EDRF1: variants seen among roughly 807,000 people sequenced by gnomAD.
The protein encoded by EDRF1 is erythroid differentiation-related factor 1.
Under a neutral mutation model 148.7 loss-of-function variants are expected in EDRF1, and 69 were observed. The observed-to-expected ratio is 0.46, with a 90% confidence interval of 0.38 to 0.57. The LOEUF (loss-of-function observed/expected upper bound fraction) is 0.57. EDRF1 is among the 20% of genes least tolerant of loss of function. The pLI is 0.00. For synonymous variants in EDRF1, 515 were observed against 532.8 expected, an observed-to-expected ratio of 0.97 and a Z score of 0.46; for missense variants, 1,118 against 1,478.7, an observed-to-expected ratio of 0.76 and a Z score of 4.00.
In EDRF1 at chr10:125,753,781, T is replaced by TCTGATGAAGTCTC; in HGVS notation, c.3483_3484insGATGAAGTCTCCT (p.Arg1162AspfsTer15). ...GATGAAACTCCTCAGTATATTTGAG[T>TCTGATGAAGTCTC]CTCGGTTGTCATTTCTTCTCCTTCA... On this transcript the variant is annotated frameshift_variant, in exon 24 of 25. Transcript: ENST00000356792. LOFTEE classifies it high-confidence loss of function. 6.2e-7 allele frequency: 1 copy of TCTGATGAAGTCTC among 1,613,914 alleles called. No homozygotes were observed. Among genetic ancestry groups the TCTGATGAAGTCTC allele is most frequent in the Non-Finnish European group, 8.5e-7 (1 of 1,180,004 alleles).
chr10:125,734,151 C>T lies in EDRF1; in HGVS notation c.1465C>T (p.Leu489=), dbSNP rs1319001272. 3.1e-6 allele frequency: 5 copies of T among 1,612,684 alleles called. No individual in the cohort carries two copies. Among genetic ancestry groups the T allele is most frequent in the Non-Finnish European group, 4.2e-6 (5 of 1,178,890 alleles). The change falls in exon 12 of 25, where the codon CTG becomes TTG. Residue 489 remains leucine, a synonymous_variant. Coordinates refer to ENST00000356792, the MANE Select transcript of EDRF1 (RefSeq NM_001202438.2). ...GTIRTLLLNC[L]KLLDKSRHPQ... ...TATTAGAACATTGCTTCTTAATTGTCTGAAATTACTGGACAAAAGTAGGCA... is the reference window on the plus strand; with the variant it reads ...TATTAGAACATTGCTTCTTAATTGTTTGAAATTACTGGACAAAAGTAGGCA...
chr10:125,752,211 C>A (rs1199951919), intron 22 of EDRF1: 1 of 153,712 alleles, frequency 6.5e-6, no homozygotes, highest in African/African-American at 2.4e-5. Flanking sequence ...TTAGTGGTTA[C>A]CTTCTGGGAG....
intron 21 of EDRF1, 158 bp downstream of exon 21, chr10:125,748,170 G>C (rs1849462584): frequency 1.2e-6 from 1 of 834,876 alleles, no homozygotes; most frequent in East Asian, 2.6e-5. Flanking sequence ...TTTTTGTGCT[G>C]TGCCACTTAA....
intron 4 of EDRF1, 63 bp downstream of exon 4, chr10:125,723,999 T>G (rs1848136091): frequency 1.9e-6 from 3 of 1,595,530 alleles, no homozygotes; most frequent in Non-Finnish European, 2.6e-6. Flanking sequence ...GAAATACGAT[T>G]TTGTTTCAGA....
rs140006727 is a variant in EDRF1 at position 125,729,914 on chromosome 10, C to T, written c.1017-374C>T. Among the ~76,000 whole-genome samples the T allele has an allele frequency of 7.6e-3, 1,164 of 152,314 alleles. 15 individuals carry two copies. The highest frequency in any genetic ancestry group is 8.9e-3 in the Non-Finnish European group (608 of 68,020). Reference sequence around the variant, plus strand: ...CTACTTGTGAGCATTTTTCTTAATGCTCCACGTGTATTTGTTGATATTAGC... The same window carrying T: ...CTACTTGTGAGCATTTTTCTTAATGTTCCACGTGTATTTGTTGATATTAGC... On this transcript the variant is annotated intron_variant, in intron 8 of 24. Coordinates refer to ENST00000356792, the MANE Select transcript of EDRF1 (RefSeq NM_001202438.2).
intron 19 of EDRF1, 125 bp downstream of exon 19, chr10:125,746,055 G>T: frequency 2.4e-6 from 2 of 834,848 alleles, no homozygotes; most frequent in Non-Finnish European, 3.9e-6. Flanking sequence ...TACAACACCA[G>T]ACAGATCGTG....
intron 18 of EDRF1, among the ~76,000 whole-genome samples, chr10:125,744,260 G>A (rs891716328): frequency 6.7e-6 from 1 of 149,888 alleles, no homozygotes; most frequent in African/African-American, 2.5e-5. Context: ...ACTCTGTCGC[G>A]CAGGCTAGAA....
intron 12 of EDRF1, 85 bp downstream of exon 12, chr10:125,734,268 C>G: frequency 9.7e-7 from 1 of 1,035,782 alleles, no homozygotes. Flanking sequence ...CCTCCTGATT[C>G]ATATTCCGTA....
intron 13 of EDRF1, among the ~76,000 whole-genome samples, chr10:125,736,759 G>C (rs973839516): frequency 6.6e-6 from 1 of 151,772 alleles, no homozygotes; most frequent in Non-Finnish European, 1.5e-5. Context: ...TGTATTTGCT[G>C]TTGCTTCTGC....
chr10:125,764,058 C>G lies in EDRF1; in HGVS notation c.*586C>G, dbSNP rs1316840125. The G allele has an allele frequency of 6.5e-6, 1 of 152,848 alleles. No individual in the cohort carries two copies. 9.5% of individuals were successfully genotyped at this position (152,848 alleles called of 1,614,324 possible). A position where few individuals can be genotyped will look rare whatever the true frequency, so the allele number is the denominator to read the frequency against. ...TATGACAGTTGATCAAGAACAGGTA[C>G]TACCCCTTTTTTTCATTTCAAACTT... On this transcript the variant is annotated 3_prime_UTR_variant, in exon 25 of 25. Transcript: ENST00000356792.
chr10:125,729,514 G>A lies in EDRF1; in HGVS notation c.1016+35G>A, dbSNP rs376638124. The A allele has an allele frequency of 1.9e-6, 3 of 1,613,298 alleles. No homozygotes were observed. In the African/African-American group the frequency reaches 4.0e-5, roughly 22 times the overall value. On this transcript the variant is annotated intron_variant, in intron 8 of 24. Transcript: ENST00000356792. ...CATCATACCCCTCCTCAAGCTTATG[G>A]TATTTAAATTCTTCCTTTAGAATCA...
intron 24 of EDRF1, among the ~76,000 whole-genome samples, chr10:125,758,426 TGTATGATA>T (rs1850022805): frequency 6.6e-6 from 1 of 152,230 alleles, no homozygotes; most frequent in South Asian, 2.1e-4. Context: ...GGACACCTTA[TGTATGATA>T]GTAGAGACCA....
intron 9 of EDRF1, chr10:125,731,874 A>C (rs1245393208): frequency 2.2e-6 from 1 of 454,288 alleles, no homozygotes; most frequent in Non-Finnish European, 4.4e-6. Context: ...GCTACCTCAC[A>C]TGCTGTTATT....
At position 125,725,754 on chromosome 10, in the gene EDRF1, G is replaced by A. The variant is rs768987633; in HGVS notation, c.708G>A (p.Gln236=). The change falls in exon 6 of 25, where the codon CAG becomes CAA. Residue 236 remains glutamine, a synonymous_variant. Transcript: ENST00000356792. ...AGCAGGAATCGTCCAGTTCAGATCA[G>A]ACAAATGATTCGGAAGGGGCTTCAT... ...AEQQESSSSD[Q]TNDSEGASWP... is the part of the protein sequence containing the mutation. 1.9e-6 allele frequency: 3 copies of A among 1,614,100 alleles called. No individual in the cohort carries two copies. Among genetic ancestry groups the A allele is most frequent in the Non-Finnish European group, 2.5e-6 (3 of 1,180,022 alleles).
chr10:125,734,229 A>G (rs1380109061), intron 12 of EDRF1, 46 bp downstream of exon 12: 2 of 1,410,620 alleles, frequency 1.4e-6, no homozygotes, highest in African/African-American at 1.4e-5. Flanking sequence ...CTAGCATTCT[A>G]ATAGGAGATT....
Position 125,763,334 on chromosome 10 carries a change from C to T in EDRF1, c.3579C>T (p.Thr1193=). 2 of 1,613,514 alleles carry T rather than the reference C, an allele frequency of 1.2e-6. No individual in the cohort carries two copies. Among genetic ancestry groups the T allele is most frequent in the Non-Finnish European group, 1.7e-6 (2 of 1,180,008 alleles). ...TCGAAGATGACACAATTCTCAAAAC[C>T]AACAAGCACATTTACTCCCAGCTTT... is the stretch of plus-strand genomic sequence containing the variant. ...NNIEDDTILK[T]NKHIYSQLLR... Residue 1193 remains threonine (T), a synonymous_variant, in exon 25 of 25, where the codon ACC becomes ACT. Transcript: ENST00000356792. The surrounding 1 kb of genome is among the most constrained non-coding windows in gnomAD (Gnocchi z 4.3).
Position 125,729,046 on chromosome 10 carries a change from C to T in EDRF1, c.836C>T (p.Ala279Val), listed in dbSNP as rs1321235088. ...LEPSYIVGHVASAPKEQNLIT... is the reference protein window; with the variant it reads ...LEPSYIVGHVVSAPKEQNLIT... ...CCCTCATACATAGTGGGGCATGTGGCCTCAGCCCCCAAAGAACAAAACCTG... is the reference window on the plus strand; with the variant it reads ...CCCTCATACATAGTGGGGCATGTGGTCTCAGCCCCCAAAGAACAAAACCTG... Residue 279 changes from alanine to valine, a missense_variant, in exon 7 of 25, where the codon GCC becomes GTC. By Grantham distance (64) the Ala-to-Val change is moderately conservative. This residue lies in a region of EDRF1 where 954 missense variants were observed against 1,241.4 expected (regional missense o/e 0.77). Coordinates refer to ENST00000356792, the MANE Select transcript of EDRF1 (RefSeq NM_001202438.2). 6.3e-7 allele frequency: 1 copy of T among 1,582,884 alleles called. No homozygotes were observed. Among genetic ancestry groups the T allele is most frequent in the Non-Finnish European group, 8.5e-7 (1 of 1,172,030 alleles).
In EDRF1 at chr10:125,741,176, C is replaced by G. The variant is rs764853373; in HGVS notation, c.2346C>G (p.Ser782Arg). 1 of 1,614,174 alleles carries G rather than the reference C, an allele frequency of 6.2e-7. No individual in the cohort carries two copies. Among genetic ancestry groups the G allele is most frequent in the South Asian group, 1.1e-5 (1 of 91,086 alleles). The change falls in exon 17 of 25, where the codon AGC becomes AGG. Residue 782 changes from serine (S) to arginine (R), a missense_variant. Transcript: ENST00000356792. ...QTKEDQEILH[S>R]LHRESSCQGF... The stretch of plus-strand genomic sequence containing the variant: ...AAGAAGACCAGGAGATCCTGCATAG[C>G]CTTCACAGAGAGTCCAGTTGCCAAG...
At chr10:125,756,478 T>G (rs974230078) in intron 24 of EDRF1, among the ~76,000 whole-genome samples, 4 of 152,256 alleles carry the variant, frequency 2.6e-5, no homozygotes, top group African/African-American at 9.6e-5. Flanking sequence ...TCAGGTCTTC[T>G]GTATTCTCAC....
Sources: allele counts gnomAD v4.1 joint callset (sites outside exome capture counted in the v4.1 genomes callset), GRCh38; gene constraint gnomAD v4.1.1; regional missense constraint gnomAD v4.1.1; non-coding constraint Gnocchi (gnomAD v3.1); transcripts MANE v1.5; gene names NCBI Gene and HGNC (gene_info 2026-07-23, HGNC 2026-07-21).